Variants in WDFY1 observed in about 807,000 individuals in gnomAD.
The protein encoded by WDFY1 is WD repeat and FYVE domain containing 1, also known as WD repeat and FYVE domain-containing protein 1.
In WDFY1, 32 loss-of-function variants were observed where a neutral mutation model predicts 56.4. The ratio of observed to expected loss-of-function variants is 0.57; its 90% CI spans 0.43 to 0.76. The LOEUF (loss-of-function observed/expected upper bound fraction) is 0.76, where lower values mean the gene tolerates loss of function less well. WDFY1 is among the 30% of genes least tolerant of loss of function. The pLI is 0.00. For synonymous variants in WDFY1, 192 were observed against 197.3 expected (o/e 0.97, Z 0.23); for missense variants, 480 against 545.7 (o/e 0.88, Z 1.20).
intron 3 of WDFY1, among the ~76,000 whole-genome samples, chr2:223,909,640 C>A (rs984829730): frequency 1.3e-5 from 2 of 152,124 alleles, no homozygotes; most frequent in African/African-American, 4.8e-5. Context: ...CCCTTCTCAG[C>A]GAACAATACT....
intron 8 of WDFY1, among the ~76,000 whole-genome samples, chr2:223,889,263 C>T (rs945937119): frequency 2.0e-5 from 3 of 152,074 alleles, no homozygotes; most frequent in African/African-American, 7.2e-5. Flanking sequence ...CGTAGCAAGT[C>T]GTCACAAAGT....
chr2:223,914,460 T>C (rs542869003), intron 2 of WDFY1, among the ~76,000 whole-genome samples: 19 of 152,344 alleles, frequency 1.2e-4, no homozygotes, highest in African/African-American at 4.1e-4. Context: ...GCTTGCATGC[T>C]ACATTTATAT....
intron 1 of WDFY1, among the ~76,000 whole-genome samples, chr2:223,941,503 A>T (rs1008655265): frequency 2.6e-5 from 4 of 151,856 alleles, no homozygotes; most frequent in African/African-American, 4.8e-5. Flanking sequence ...CAGCTCAACG[A>T]CCTTCTCTAG....
At chr2:223,902,848 C>T (rs1002039542) in intron 4 of WDFY1, among the ~76,000 whole-genome samples, 1 of 151,704 alleles carries the variant, frequency 6.6e-6, no homozygotes, top group Admixed American at 6.6e-5. Flanking sequence ...GTCTGTCTCA[C>T]TCAAAACACT....
chr2:223,892,578 TA>T (rs531638531), intron 8 of WDFY1, among the ~76,000 whole-genome samples: 88 of 150,018 alleles, frequency 5.9e-4, no homozygotes, highest in East Asian at 2.3e-3. Context: ...TGTCACCATT[TA>T]AAAAAAAAAT....
intron 1 of WDFY1, among the ~76,000 whole-genome samples, chr2:223,933,592 G>A (rs1265210031): frequency 6.6e-6 from 1 of 151,970 alleles, no homozygotes; most frequent in Non-Finnish European, 1.5e-5. Flanking sequence ...AGGCTGAGGT[G>A]GGAGGATCAC....
chr2:223,879,701 C>T (rs1270128920), intron 11 of WDFY1, among the ~76,000 whole-genome samples: 2 of 151,992 alleles, frequency 1.3e-5, no homozygotes, highest in Non-Finnish European at 2.9e-5. Context: ...CACTTCATTT[C>T]AATTTATGTG....
At chr2:223,881,255 G>C (rs551127572) in intron 10 of WDFY1, among the ~76,000 whole-genome samples, 1 of 152,138 alleles carries the variant, frequency 6.6e-6, no homozygotes, top group Non-Finnish European at 1.5e-5. Context: ...TGTGAACAAA[G>C]GTCTGGGCAC....
At chr2:223,919,646 A>G (rs1394342030) in intron 1 of WDFY1, among the ~76,000 whole-genome samples, 1 of 152,220 alleles carries the variant, frequency 6.6e-6, no homozygotes, top group Non-Finnish European at 1.5e-5. Context: ...AGGTGCTGGT[A>G]TTAGAGGCAT....
At chr2:223,926,273 A>G (rs528547617) in intron 1 of WDFY1, among the ~76,000 whole-genome samples, 16 of 152,240 alleles carry the variant, frequency 1.1e-4, no homozygotes, top group African/African-American at 3.6e-4. Context: ...CAGGTTCCCC[A>G]GTAACTGGGA....
At chr2:223,909,172 T>G (rs1693647908) in intron 3 of WDFY1, among the ~76,000 whole-genome samples, 1 of 152,074 alleles carries the variant, frequency 6.6e-6, no homozygotes, top group Non-Finnish European at 1.5e-5. Flanking sequence ...ATTGTACAGA[T>G]CCCCAGGCCC....
intron 1 of WDFY1, among the ~76,000 whole-genome samples, chr2:223,936,127 T>G (rs1694165825): frequency 6.7e-6 from 1 of 149,110 alleles, no homozygotes. Context: ...AGCAGCATGA[T>G]CTTGGCTCAC....
intron 5 of WDFY1, 105 bp from the exon 6 acceptor site, chr2:223,899,175 G>T: frequency 1.2e-6 from 1 of 849,694 alleles, no homozygotes; most frequent in Non-Finnish European, 1.9e-6. Context: ...TAGAAAACAT[G>T]CATTTTAAAG....
At chr2:223,927,312 T>C (rs765443615) in intron 1 of WDFY1, among the ~76,000 whole-genome samples, 6 of 152,252 alleles carry the variant, frequency 3.9e-5, no homozygotes, top group Non-Finnish European at 5.9e-5. Flanking sequence ...TTGGTCTGCA[T>C]TGAAAATCTA....
At position 223,937,896 on chromosome 2, in the gene WDFY1, G is replaced by C. The variant is rs147346238; in HGVS notation, c.137+7252C>G. Among the ~76,000 whole-genome samples the C allele has an allele frequency of 1.3e-3, 198 of 152,110 alleles. 2 individuals are homozygous for C. Among genetic ancestry groups the C allele is most frequent in the Middle Eastern group, 6.8e-3 (2 of 294 alleles). ...TCCAGCTATGCCAGCCTTCCTCCCA[G>C]GCATAACACTTAAAAATCAAGTTAT... On this transcript the variant is annotated intron_variant, in intron 1 of 11. Transcript: ENST00000233055.
intron 1 of WDFY1, among the ~76,000 whole-genome samples, chr2:223,943,184 TA>T (rs11311599): frequency 0.38 from 51,964 of 137,022 alleles, 10,499 homozygotes; most frequent in East Asian, 0.57. Context: ...GCCTCCATCT[TA>T]AAAAAAAAAA....
chr2:223,880,011 A>G (rs1048606734), intron 11 of WDFY1, 113 bp downstream of exon 11: 14 of 925,528 alleles, frequency 1.5e-5, no homozygotes, highest in Non-Finnish European at 2.4e-5. Flanking sequence ...TTAAACTGGC[A>G]ATCATTTGCT....
intron 6 of WDFY1, among the ~76,000 whole-genome samples, chr2:223,896,178 A>AAAAAAAAAAAAAAAAAAAAAAAAAAAC (rs1559165610): frequency 6.8e-6 from 1 of 148,018 alleles, no homozygotes; most frequent in Non-Finnish European, 1.5e-5. Context: ...AAAAAAAAAA[A>AAAAAAAAAAAAAAAAAAAAAAAAAAAC]AAAAACTGCT....
At chr2:223,898,649 A>G (rs1422737968) in intron 6 of WDFY1, among the ~76,000 whole-genome samples, 1 of 152,074 alleles carries the variant, frequency 6.6e-6, no homozygotes, top group African/African-American at 2.4e-5. Flanking sequence ...CAAGTGGTAC[A>G]CCTAATTCGG....
Sources: gnomAD v4.1 joint callset for allele counts (sites outside exome capture counted in the v4.1 genomes callset) on GRCh38, gnomAD v4.1.1 for gene constraint, MANE v1.5 for transcripts, NCBI Gene and HGNC (gene_info 2026-07-23, HGNC 2026-07-21) for gene names.